EYS: variants seen among roughly 807,000 people sequenced by gnomAD.
The protein encoded by EYS is protein eyes shut homolog.
In EYS, 250 loss-of-function variants were observed where a neutral mutation model predicts 282.1. That is an observed-to-expected ratio of 0.89 (90% CI 0.80 to 0.98). The LOEUF (loss-of-function observed/expected upper bound fraction) is 0.98. Among genes scored for constraint, EYS ranks in the 50% least tolerant of loss-of-function variants. The probability of loss-of-function intolerance (pLI) is 0.00; values close to 1 mark genes in which losing one functional copy is unlikely to be tolerated. For synonymous variants in EYS, 1,355 were observed against 1,282.9 expected (o/e 1.06, Z -1.20); for missense variants, 4,016 against 3,709.0 (o/e 1.08, Z -2.15).
At chr6:64,241,600 T>C (rs1766830547) in intron 30 of EYS, among the ~76,000 whole-genome samples, 1 of 151,766 alleles carries the variant, frequency 6.6e-6, no homozygotes, top group South Asian at 2.1e-4. Flanking sequence ...TATCTATCTA[T>C]TTTGTTGATC....
At chr6:64,284,519 CTGGAGGA>C (rs1768426192) in intron 30 of EYS, among the ~76,000 whole-genome samples, 1 of 152,062 alleles carries the variant, frequency 6.6e-6, no homozygotes, top group African/African-American at 2.4e-5. Context: ...ATTCTGGGGT[CTGGAGGA>C]TGACGGCCCT....
At chr6:64,082,113 T>C in intron 31 of EYS, 111 bp from the exon 32 acceptor site, 1 of 672,114 alleles carries the variant, frequency 1.5e-6, no homozygotes, top group Non-Finnish European at 2.4e-6. Flanking sequence ...ACACTAGTAT[T>C]TAAAATGTTA....
intron 2 of EYS, among the ~76,000 whole-genome samples, chr6:65,610,617 C>T (rs1266187906): frequency 2.6e-5 from 4 of 151,990 alleles, no homozygotes; most frequent in African/African-American, 9.7e-5. Context: ...TGACACATGT[C>T]CTCTGTCTCT....
intron 2 of EYS, among the ~76,000 whole-genome samples, chr6:65,556,387 T>TTGTGTATGTGTGTGTG (rs1768800304): frequency 6.7e-6 from 1 of 148,820 alleles, no homozygotes; most frequent in East Asian, 2.0e-4. Context: ...ACTGCTGGGT[T>TTGTGTATGTGTGTGTG]TGTGTGTGTG....
chr6:64,181,703 G>A (rs546684356), intron 31 of EYS, among the ~76,000 whole-genome samples: 2 of 152,016 alleles, frequency 1.3e-5, no homozygotes, highest in South Asian at 2.1e-4. Context: ...ACTAAAAAAC[G>A]TGTTTTTTAT....
intron 26 of EYS, among the ~76,000 whole-genome samples, chr6:64,525,726 G>A (rs1161357715): frequency 6.6e-6 from 1 of 151,776 alleles, no homozygotes; most frequent in Non-Finnish European, 1.5e-5. Flanking sequence ...ACCAAAGACT[G>A]ATGAGGATGC....
In EYS at chr6:63,789,141, T is replaced by C; in HGVS notation, c.7495A>G (p.Ser2499Gly). 1 of 1,551,728 alleles carries C rather than the reference T, an allele frequency of 6.4e-7. No individual in the cohort carries two copies. The change falls in exon 38 of 43, where the codon AGC becomes GGC. Residue 2499 changes from serine to glycine, a missense_variant. Transcript: ENST00000503581. ...AGATTGAGGGGCTCGCTCCTGATGC[T>C]TGCTATGCCAGACCCCAGGTTATAA... ...YSYNLGSGIA[S>G]IRSEPLNLSL...
intron 22 of EYS, among the ~76,000 whole-genome samples, chr6:64,789,547 G>A (rs575363308): frequency 6.9e-4 from 105 of 152,080 alleles, no homozygotes; most frequent in Admixed American, 1.4e-3. Context: ...TTTTAATACC[G>A]TAGTTTAGCT....
intron 29 of EYS, among the ~76,000 whole-genome samples, chr6:64,325,867 A>G (rs1770400016): frequency 6.6e-6 from 1 of 152,128 alleles, no homozygotes; most frequent in African/African-American, 2.4e-5. Flanking sequence ...ACAAAGAAAA[A>G]AATAAGAAAA....
chr6:64,815,156 C>T, intron 21 of EYS: 1 of 418,684 alleles, frequency 2.4e-6, no homozygotes, highest in Non-Finnish European at 4.8e-6. Flanking sequence ...CACCCCCACC[C>T]CCTACAAGTG....
chr6:64,180,838 A>G (rs1371404161), intron 31 of EYS, among the ~76,000 whole-genome samples: 2 of 152,130 alleles, frequency 1.3e-5, no homozygotes, highest in Non-Finnish European at 2.9e-5. Flanking sequence ...TTGAGGATAC[A>G]TATGCAGGTT....
intron 12 of EYS, among the ~76,000 whole-genome samples, chr6:65,078,652 A>G (rs190349276): frequency 2.4e-4 from 36 of 152,256 alleles, no homozygotes; most frequent in Admixed American, 2.2e-3. Context: ...TGGTATAGAT[A>G]ATAAATAATT....
chr6:65,548,612 T>C (rs1768478872), intron 2 of EYS, among the ~76,000 whole-genome samples: 1 of 152,200 alleles, frequency 6.6e-6, no homozygotes, highest in Non-Finnish European at 1.5e-5. Context: ...TCTGTCTGAT[T>C]CCCGGCACTT....
chr6:64,806,399 C>T (rs1323966046), intron 22 of EYS, among the ~76,000 whole-genome samples: 3 of 151,842 alleles, frequency 2.0e-5, no homozygotes, highest in Non-Finnish European at 4.4e-5. Context: ...TCTGTCCTTC[C>T]TCAATATGAT....
chr6:64,470,134 T>C (rs1359709878), intron 26 of EYS, among the ~76,000 whole-genome samples: 1 of 152,070 alleles, frequency 6.6e-6, no homozygotes, highest in Non-Finnish European at 1.5e-5. Flanking sequence ...TCAGGGCCAC[T>C]ACCGGTCTCT....
At chr6:64,247,596 A>T (rs1582481648) in intron 30 of EYS, among the ~76,000 whole-genome samples, 1 of 152,330 alleles carries the variant, frequency 6.6e-6, no homozygotes, top group Admixed American at 6.5e-5. Context: ...TAAGGTGACC[A>T]GTAAAACCGG....
chr6:64,481,626 C>T (rs979591327), intron 26 of EYS, among the ~76,000 whole-genome samples: 3 of 151,104 alleles, frequency 2.0e-5, no homozygotes, highest in African/African-American at 7.3e-5. Context: ...AATGTTAGTC[C>T]TGAAACAAAC....
At chr6:64,802,183 A>G (rs573017189) in intron 22 of EYS, among the ~76,000 whole-genome samples, 18 of 150,514 alleles carry the variant, frequency 1.2e-4, no homozygotes, top group Admixed American at 7.3e-4. Context: ...ACAGGCGCCC[A>G]CCACCATGCC....
intron 22 of EYS, among the ~76,000 whole-genome samples, chr6:64,789,623 T>C (rs1774124267): frequency 1.3e-5 from 2 of 152,178 alleles, no homozygotes; most frequent in African/African-American, 4.8e-5. Context: ...ATACTTTCCA[T>C]TTATCCAAAA....
Sources: allele counts gnomAD v4.1 joint callset (sites outside exome capture counted in the v4.1 genomes callset), GRCh38; gene constraint gnomAD v4.1.1; transcripts MANE v1.5; gene names NCBI Gene and HGNC (gene_info 2026-07-23, HGNC 2026-07-21).